Variants in UXS1 observed in about 807,000 individuals in gnomAD.
UXS1 encodes UDP-glucuronic acid decarboxylase 1.
UXS1 carries 33 observed loss-of-function variants against 62.6 expected under a neutral mutation model. The observed-to-expected ratio is 0.53, with a 90% CI of 0.40 to 0.70. UXS1 has a LOEUF of 0.70. UXS1 is among the 30% of genes least tolerant of loss of function. UXS1 has a pLI of 0.00. For missense variants in UXS1, 434 were observed against 556.3 expected (o/e 0.78, Z 2.21); for synonymous variants, 213 against 206.8 (o/e 1.03, Z -0.26).
intron 6 of UXS1, among the ~76,000 whole-genome samples, chr2:106,144,374 AAG>A (rs1286922303): frequency 6.6e-6 from 1 of 152,246 alleles, no homozygotes; most frequent in Non-Finnish European, 1.5e-5. Flanking sequence ...TTAGAGCAGA[AAG>A]AGAACAGAAG....
rs1305537478 is a variant in UXS1 at position 106,145,174 on chromosome 2, T to A, written c.472+16A>T. ...TGCGGAGCTCTGAATAATAACAATG[T>A]GCAGTTTTCACTCACCCTCGATGTA... On this transcript the variant is annotated intron_variant, in intron 6 of 14. Coordinates refer to ENST00000283148, the MANE Select transcript of UXS1 (RefSeq NM_001253875.2). 6.2e-7 allele frequency: 1 copy of A among 1,610,094 alleles called. No homozygotes were observed. The highest frequency in any genetic ancestry group is 1.1e-5 in the South Asian group (1 of 90,424).
intron 10 of UXS1, among the ~76,000 whole-genome samples, chr2:106,109,904 T>C (rs1004138153): frequency 3.3e-5 from 5 of 152,140 alleles, no homozygotes; most frequent in Non-Finnish European, 5.9e-5. Flanking sequence ...ACCTCAGAAG[T>C]GACTTGTCGG....
chr2:106,151,314 T>C (rs1486549268), intron 5 of UXS1, among the ~76,000 whole-genome samples: 2 of 152,192 alleles, frequency 1.3e-5, no homozygotes, highest in Non-Finnish European at 2.9e-5. Flanking sequence ...GGTTTGAATG[T>C]GTACCCCCAA....
At chr2:106,129,097 T>C (rs1435102177) in intron 7 of UXS1, among the ~76,000 whole-genome samples, 1 of 152,222 alleles carries the variant, frequency 6.6e-6, no homozygotes, top group African/African-American at 2.4e-5. Flanking sequence ...TTTGTGAATA[T>C]ACACATATGA....
chr2:106,146,769 T>C, intron 5 of UXS1, among the ~76,000 whole-genome samples: 1 of 42,852 alleles, frequency 2.3e-5, no homozygotes, highest in Non-Finnish European at 4.2e-5. Context: ...GAAGACTCCA[T>C]CTCAAAAAAA....
intron 7 of UXS1, among the ~76,000 whole-genome samples, chr2:106,128,071 C>T (rs2104941899): frequency 6.6e-6 from 1 of 152,230 alleles, no homozygotes; most frequent in South Asian, 2.1e-4. Flanking sequence ...GACTGCATCC[C>T]CCGAGTAGGA....
At position 106,096,772 on chromosome 2, in the gene UXS1, C is replaced by T. The variant is rs1169281679; in HGVS notation, c.1092G>A (p.Gln364=). 1.3e-6 allele frequency: 2 copies of T among 1,593,480 alleles called. No homozygotes were observed. Among genetic ancestry groups the T allele is most frequent in the Non-Finnish European group, 1.7e-6 (2 of 1,168,592 alleles). The stretch of plus-strand genomic sequence containing the variant: ...CTTTTTTGATGTCTGGTTTTCTTTT[C>T]TGTGGGTCATCCTGGGCTTCGGAGA... ...QFLSEAQDDP[Q]KRKPDIKKAK... Residue 364 remains glutamine, a synonymous_variant, in exon 14 of 15, where the codon CAG becomes CAA. Transcript: ENST00000283148.
intron 6 of UXS1, among the ~76,000 whole-genome samples, chr2:106,139,114 ACAC>A (rs777392801): frequency 6.6e-6 from 1 of 152,144 alleles, no homozygotes; most frequent in Non-Finnish European, 1.5e-5. Flanking sequence ...AGTTCAGAGT[ACAC>A]CAAGCATGAG....
chr2:106,192,174 T>G (rs1395642597), intron 1 of UXS1, among the ~76,000 whole-genome samples: 1 of 152,230 alleles, frequency 6.6e-6, no homozygotes, highest in African/African-American at 2.4e-5. Flanking sequence ...CAGTTAAGTT[T>G]TAGCACCCCA....
intron 6 of UXS1, among the ~76,000 whole-genome samples, chr2:106,142,073 C>T (rs548312189): frequency 2.7e-5 from 4 of 150,774 alleles, no homozygotes; most frequent in Admixed American, 6.6e-5. Context: ...GGTTTCACCG[C>T]GTTGCCCAGG....
chr2:106,163,917 G>A (rs1208929462), intron 3 of UXS1, among the ~76,000 whole-genome samples: 1 of 152,104 alleles, frequency 6.6e-6, no homozygotes. Flanking sequence ...CTCCATAAAT[G>A]CCTCGGTTTC....
intron 6 of UXS1, among the ~76,000 whole-genome samples, chr2:106,142,139 T>C (rs1319848885): frequency 6.6e-6 from 1 of 152,170 alleles, no homozygotes; most frequent in Non-Finnish European, 1.5e-5. Flanking sequence ...CCCAAAGTGC[T>C]GGGATTATAG....
chr2:106,194,280 G>T lies in UXS1; in HGVS notation c.-39C>A. 8.3e-7 allele frequency: 1 copy of T among 1,205,982 alleles called. No individual in the cohort carries two copies. 74.7% of individuals were successfully genotyped at this position (1,205,982 alleles called of 1,614,324 possible). ...GCGGGTCCAGGGCCCTACCGCGCGGGGGCCCGCCTGCTGCACAATGCGCGG... is the reference window on the plus strand; with the variant it reads ...GCGGGTCCAGGGCCCTACCGCGCGGTGGCCCGCCTGCTGCACAATGCGCGG... On this transcript the variant is annotated 5_prime_UTR_variant, in exon 1 of 15. Coordinates refer to ENST00000283148, the MANE Select transcript of UXS1 (RefSeq NM_001253875.2).
chr2:106,120,985 C>T (rs1286046735), intron 9 of UXS1, among the ~76,000 whole-genome samples: 1 of 152,192 alleles, frequency 6.6e-6, no homozygotes, highest in Non-Finnish European at 1.5e-5. Flanking sequence ...CAACGCTGCC[C>T]ACGCCATTAA....
chr2:106,097,023 G>A (rs1311312774), intron 13 of UXS1: 1 of 689,268 alleles, frequency 1.5e-6, no homozygotes, highest in South Asian at 1.5e-5. Context: ...AACTGCTGTG[G>A]CCAAGCTGAC....
intron 6 of UXS1, among the ~76,000 whole-genome samples, chr2:106,143,763 G>A (rs1235835478): frequency 6.6e-6 from 1 of 152,184 alleles, no homozygotes; most frequent in Non-Finnish European, 1.5e-5. Flanking sequence ...TCAGCTTCCA[G>A]AGGCTGCCAA....
Position 106,112,648 on chromosome 2 carries a change from T to G in UXS1, c.877A>C (p.Thr293Pro). Residue 293 changes from threonine to proline, a missense_variant and splice_region_variant, in exon 10 of 15, where the codon ACG becomes CCG. By Grantham distance (38) the Thr-to-Pro change is conservative. This residue lies in a region of UXS1 where 209 missense variants were observed against 233.3 expected (regional missense o/e 0.90). Transcript: ENST00000283148. ...CCTGAGCCGAGGCCAGCACCTACCGTGAGTGGCTCCCCCTGGAGCGCCTGC... is the reference window on the plus strand; with the variant it reads ...CCTGAGCCGAGGCCAGCACCTACCGGGAGTGGCTCCCCCTGGAGCGCCTGC... ...ILQALQGEPL[T>P]VYGSGSQTRA... 1 of 1,613,886 alleles carries G rather than the reference T, an allele frequency of 6.2e-7. No individual in the cohort carries two copies. Among genetic ancestry groups the G allele is most frequent in the Non-Finnish European group, 8.5e-7 (1 of 1,179,838 alleles).
intron 6 of UXS1, among the ~76,000 whole-genome samples, chr2:106,141,876 G>GT (rs1681130699): frequency 9.2e-6 from 1 of 108,822 alleles, no homozygotes; most frequent in African/African-American, 3.3e-5. Flanking sequence ...TTTTTTTTTT[G>GT]GTTTTTTTTT....
chr2:106,193,281 C>T (rs1460568947), intron 1 of UXS1, among the ~76,000 whole-genome samples: 1 of 152,172 alleles, frequency 6.6e-6, no homozygotes, highest in Non-Finnish European at 1.5e-5. Context: ...CATTCAAACG[C>T]AGCTCACACT....
Sources: allele counts gnomAD v4.1 joint callset (sites outside exome capture counted in the v4.1 genomes callset), GRCh38; gene constraint gnomAD v4.1.1; regional missense constraint gnomAD v4.1.1; transcripts MANE v1.5; gene names NCBI Gene and HGNC (gene_info 2026-07-23, HGNC 2026-07-21).